The following RPGRIP1 variants were observed in gnomAD, a reference collection of about 807,000 sequenced individuals.
The protein encoded by RPGRIP1 is X-linked retinitis pigmentosa GTPase regulator-interacting protein 1.
Under a neutral mutation model 157.9 loss-of-function variants are expected in RPGRIP1, and 128 were observed. That is an observed-to-expected ratio of 0.81 (90% CI 0.70 to 0.94). The LOEUF (loss-of-function observed/expected upper bound fraction) is 0.94. Ranked by LOEUF, RPGRIP1 falls within the 40% of genes least tolerant of loss-of-function variation. The pLI is 0.00. For synonymous variants in RPGRIP1, 554 were observed against 571.6 expected (o/e 0.97, Z 0.44); for missense variants, 1,486 against 1,545.8 (o/e 0.96, Z 0.65).
intron 2 of RPGRIP1, among the ~76,000 whole-genome samples, chr14:21,288,864 A>C (rs763610161): frequency 6.6e-6 from 1 of 152,122 alleles, no homozygotes; most frequent in Non-Finnish European, 1.5e-5. Flanking sequence ...TTAGGAGGTA[A>C]AGCTAAATAC....
chr14:21,343,583 G>A (rs899239284), intron 22 of RPGRIP1, among the ~76,000 whole-genome samples: 7 of 152,016 alleles, frequency 4.6e-5, no homozygotes, highest in Non-Finnish European at 1.0e-4. Flanking sequence ...CTCTGACTCC[G>A]AGATTCAAGC....
Position 21,308,271 on chromosome 14 carries a change from C to T in RPGRIP1, c.906+435C>T. Among the ~76,000 whole-genome samples, 2 of 152,156 alleles carry T rather than the reference C, an allele frequency of 1.3e-5. 1 individual carries two copies. The highest frequency in any genetic ancestry group is 1.3e-4 in the Admixed American group (2 of 15,266). The stretch of plus-strand genomic sequence containing the variant: ...ATCTTTTTTAAGCCTGACAACAGCC[C>T]TCAAGGTAAGTATATTTAGCATTAG... On this transcript the variant is annotated intron_variant, in intron 7 of 24. Coordinates refer to ENST00000400017, the MANE Select transcript of RPGRIP1 (RefSeq NM_020366.4).
chr14:21,287,946 TGG>T lies in RPGRIP1; in HGVS notation c.-29_-28del. ...ACTTTTCCTTTATTTCAGTGTCCTC[TGG>T]GATCTCTTACAGCTTGGGAACAGAG... On this transcript the variant is annotated 5_prime_UTR_variant, in exon 2 of 25. Transcript: ENST00000400017. The T allele has an allele frequency of 6.7e-7, 1 of 1,499,298 alleles. No individual in the cohort carries two copies. The highest frequency in any genetic ancestry group is 9.3e-7 in the Non-Finnish European group (1 of 1,078,704). The allele number at this position is 1,499,298 out of a possible 1,614,324, so 92.9% of individuals were successfully genotyped here.
At chr14:21,300,304 T>TG (rs1164607802) in intron 3 of RPGRIP1, among the ~76,000 whole-genome samples, 1 of 79,372 alleles carries the variant, frequency 1.3e-5, no homozygotes, top group Non-Finnish European at 2.5e-5. Context: ...AAAGTCCGTC[T>TG]CAAAAAAAAA....
At chr14:21,314,614 A>G (rs1226853685) in intron 10 of RPGRIP1, among the ~76,000 whole-genome samples, 1 of 150,930 alleles carries the variant, frequency 6.6e-6, no homozygotes, top group Non-Finnish European at 1.5e-5. Flanking sequence ...TTAGCCAGCC[A>G]GGCGCGGAGA....
At position 21,304,385 on chromosome 14, in the gene RPGRIP1, G is replaced by GAC. The variant is rs1211979448; in HGVS notation, c.800+843_800+844insCA. Among the ~76,000 whole-genome samples the GAC allele has an allele frequency of 2.3e-3, 182 of 79,830 alleles. 1 individual carries two copies. Among genetic ancestry groups the GAC allele is most frequent in the African/African-American group, 8.0e-3 (170 of 21,274 alleles). 52.4% of individuals were successfully genotyped at this position (79,830 alleles called of 152,430 possible). On this transcript the variant is annotated intron_variant, in intron 6 of 24. Transcript: ENST00000400017. Reference sequence around the variant, plus strand: ...AAGGAAGGAAGGGAGGGAGGAAGGAGAGAGAGAAAGAAAGAAAGAAAGAAA... The same window carrying GAC: ...AAGGAAGGAAGGGAGGGAGGAAGGAGACAGAGAGAAAGAAAGAAAGAAAGAAA...
In RPGRIP1 at chr14:21,325,027, G is replaced by A. The variant is rs1434051044; in HGVS notation, c.2172G>A (p.Val724=). Residue 724 remains valine, a synonymous_variant, in exon 15 of 25, where the codon GTG becomes GTA. Transcript: ENST00000400017. ...CAGGATGGATTTGCTTTGACAGGGTGCTAGAGACTGTGGAGAAAGTCCATG... is the reference window on the plus strand; with the variant it reads ...CAGGATGGATTTGCTTTGACAGGGTACTAGAGACTGTGGAGAAAGTCCATG... The part of the protein sequence containing the change: ...LAAGWICFDR[V]LETVEKVHGL... 1 of 1,613,438 alleles carries A rather than the reference G, an allele frequency of 6.2e-7. No individual in the cohort carries two copies. The highest frequency in any genetic ancestry group is 1.1e-5 in the South Asian group (1 of 91,074).
intron 1 of RPGRIP1, among the ~76,000 whole-genome samples, chr14:21,285,362 T>C (rs1880263014): frequency 6.6e-6 from 1 of 151,638 alleles, no homozygotes; most frequent in Non-Finnish European, 1.5e-5. Flanking sequence ...TCCCAGCACT[T>C]TGGGAGGCCA....
chr14:21,282,670 C>T (rs1880174339), intron 1 of RPGRIP1, among the ~76,000 whole-genome samples: 2 of 133,586 alleles, frequency 1.5e-5, no homozygotes, highest in African/African-American at 5.9e-5. Flanking sequence ...AGTGCAGTGG[C>T]GTGATCTCGG....
intron 1 of RPGRIP1, among the ~76,000 whole-genome samples, chr14:21,285,851 G>A (rs916423057): frequency 5.9e-5 from 9 of 151,954 alleles, no homozygotes; most frequent in Admixed American, 4.6e-4. Flanking sequence ...GTTTTATACA[G>A]GTCACTCTGG....
chr14:21,327,813 T>C lies in RPGRIP1; in HGVS notation c.2895+6T>C. ...AGGCTTCATTTCCTTCCCAGGTAAC[T>C]CTCCAGGACTCCACAGGTAGCAGAT... is the stretch of plus-strand genomic sequence containing the variant. On this transcript the variant is annotated splice_donor_region_variant and intron_variant, in intron 18 of 24. Transcript: ENST00000400017. 6.4e-7 allele frequency: 1 copy of C among 1,570,984 alleles called. No homozygotes were observed. The highest frequency in any genetic ancestry group is 8.6e-7 in the Non-Finnish European group (1 of 1,158,764).
Position 21,294,829 on chromosome 14 carries a change from AATT to A in RPGRIP1, c.218+21_218+23del. ...CAAAAGGTACTTAGAGTTCTCCTTA[AATT>A]TTTTTTTTTTTTTTTTTTTTTTTTT... On this transcript the variant is annotated intron_variant, in intron 3 of 24. Coordinates refer to ENST00000400017, the MANE Select transcript of RPGRIP1 (RefSeq NM_020366.4). 2 of 828,004 alleles carry A rather than the reference AATT, an allele frequency of 2.4e-6. No homozygotes were observed. The highest frequency in any genetic ancestry group is 4.8e-5 in the East Asian group (1 of 20,628). 51.3% of individuals were successfully genotyped at this position (828,004 alleles called of 1,614,324 possible). A position where few individuals can be genotyped will look rare whatever the true frequency, so the allele number is the denominator to read the frequency against.
chr14:21,281,682 T>C (rs1487321973), intron 1 of RPGRIP1, among the ~76,000 whole-genome samples: 1 of 129,156 alleles, frequency 7.7e-6, no homozygotes, highest in South Asian at 2.3e-4. Flanking sequence ...GAGTGAGACC[T>C]TGTCTCAAAA....
intron 3 of RPGRIP1, among the ~76,000 whole-genome samples, chr14:21,298,999 A>G (rs1362691903): frequency 6.7e-6 from 1 of 149,760 alleles, no homozygotes; most frequent in East Asian, 2.0e-4. Context: ...ATTGTGGATC[A>G]GCACTCTTCA....
intron 21 of RPGRIP1, among the ~76,000 whole-genome samples, chr14:21,340,230 C>A (rs569452151): frequency 6.6e-6 from 1 of 152,326 alleles, no homozygotes; most frequent in South Asian, 2.1e-4. Flanking sequence ...CCCCCACCCC[C>A]TTTCAAAGGA....
intron 7 of RPGRIP1, among the ~76,000 whole-genome samples, chr14:21,308,731 AAGGACTC>A (rs1881420882): frequency 6.6e-6 from 1 of 152,176 alleles, no homozygotes; most frequent in African/African-American, 2.4e-5. Flanking sequence ...ACAGAGGGAG[AAGGACTC>A]CAAAGCAGAG....
intron 2 of RPGRIP1, among the ~76,000 whole-genome samples, chr14:21,289,099 G>T (rs1307302518): frequency 1.3e-5 from 2 of 151,756 alleles, no homozygotes; most frequent in Non-Finnish European, 2.9e-5. Flanking sequence ...AGGCCGAGAC[G>T]GGCAGATCAC....
chr14:21,311,678 G>T, intron 8 of RPGRIP1, 146 bp from the exon 9 acceptor site: 1 of 541,768 alleles, frequency 1.8e-6, no homozygotes, highest in East Asian at 3.4e-5. Context: ...GAAAAACAAG[G>T]TTAACGAACA....
At chr14:21,319,967 T>C in intron 11 of RPGRIP1, 50 bp from the exon 12 acceptor site, 1 of 1,522,290 alleles carries the variant, frequency 6.6e-7, no homozygotes, top group East Asian at 2.4e-5. Flanking sequence ...ACTCTGACCA[T>C]GGTGATAAAT....
Sources: allele counts gnomAD v4.1 joint callset (sites outside exome capture counted in the v4.1 genomes callset), GRCh38; gene constraint gnomAD v4.1.1; transcripts MANE v1.5; gene names NCBI Gene and HGNC (gene_info 2026-07-23, HGNC 2026-07-21).